Variants in MATCAP2 observed in about 807,000 individuals in gnomAD.
The protein encoded by MATCAP2 is microtubule associated tyrosine carboxypeptidase 2.
At chr7:36,333,398 G>A in the MATCAP2 span, among the ~76,000 whole-genome samples, 2 of 152,166 alleles carry the variant, frequency 1.3e-5, no homozygotes, top group African/African-American at 4.8e-5. Context: ...ATGGGTATGG[G>A]TTTCTTTTGA....
the MATCAP2 span, among the ~76,000 whole-genome samples, chr7:36,338,996 T>C: frequency 6.6e-6 from 1 of 152,262 alleles, no homozygotes; most frequent in Non-Finnish European, 1.5e-5. Context: ...TCACATGTAT[T>C]GATTGAGACA....
the MATCAP2 span, chr7:36,367,020 T>C: frequency 7.8e-7 from 1 of 1,286,154 alleles, no homozygotes; most frequent in Non-Finnish European, 9.8e-7. Flanking sequence ...CTCTAGCCTC[T>C]GACCCGGGCC....
chr7:36,339,039 C>T, the MATCAP2 span, among the ~76,000 whole-genome samples: 1 of 152,218 alleles, frequency 6.6e-6, no homozygotes, highest in African/African-American at 2.4e-5. Context: ...TAAAACCAAG[C>T]TGTAACCCAA....
At chr7:36,378,484 G>A in the MATCAP2 span, among the ~76,000 whole-genome samples, 8 of 152,324 alleles carry the variant, frequency 5.3e-5, no homozygotes, top group East Asian at 1.2e-3. Context: ...TCTCAGAGGG[G>A]CACCCAGCTG....
the MATCAP2 span, among the ~76,000 whole-genome samples, chr7:36,361,275 T>C: frequency 0.022 from 3,386 of 152,168 alleles, 57 homozygotes; most frequent in Middle Eastern, 0.051. Context: ...TCTAAAAGAA[T>C]GGGGGAAAAG....
the MATCAP2 span, among the ~76,000 whole-genome samples, chr7:36,366,505 A>C: frequency 2.0e-5 from 3 of 152,246 alleles, no homozygotes; most frequent in Non-Finnish European, 4.4e-5. Flanking sequence ...AAATATACAC[A>C]GTATAAATAA....
At chr7:36,358,282 T>C in the MATCAP2 span, among the ~76,000 whole-genome samples, 1 of 152,130 alleles carries the variant, frequency 6.6e-6, no homozygotes, top group Non-Finnish European at 1.5e-5. Context: ...CAAGGCACTT[T>C]CAAAGACAAT....
At chr7:36,346,275 CACT>C in the MATCAP2 span, among the ~76,000 whole-genome samples, 1 of 152,098 alleles carries the variant, frequency 6.6e-6, no homozygotes, top group South Asian at 2.1e-4. Context: ...CTAACAAGTC[CACT>C]ACTAGATGTG....
At chr7:36,367,834 C>T in the MATCAP2 span, among the ~76,000 whole-genome samples, 8 of 152,124 alleles carry the variant, frequency 5.3e-5, no homozygotes, top group Non-Finnish European at 1.2e-4. Flanking sequence ...GAGACCAAGG[C>T]GGGTGGATCG....
At chr7:36,374,371 C>A in the MATCAP2 span, among the ~76,000 whole-genome samples, 1 of 152,042 alleles carries the variant, frequency 6.6e-6, no homozygotes, top group Non-Finnish European at 1.5e-5. Context: ...TGATCTACTG[C>A]ACCTGGCCCA....
chr7:36,351,676 G>T, the MATCAP2 span, among the ~76,000 whole-genome samples: 4 of 152,034 alleles, frequency 2.6e-5, no homozygotes, highest in African/African-American at 9.7e-5. Flanking sequence ...GCCAGGTGTC[G>T]TGGCTCATGC....
the MATCAP2 span, among the ~76,000 whole-genome samples, chr7:36,352,265 C>T: frequency 2.0e-5 from 3 of 151,516 alleles, no homozygotes; most frequent in Admixed American, 6.6e-5. Flanking sequence ...GGCATGGCAG[C>T]GCACGCCTGT....
chr7:36,359,016 A>G, the MATCAP2 span, among the ~76,000 whole-genome samples: 5 of 152,224 alleles, frequency 3.3e-5, no homozygotes, highest in Non-Finnish European at 7.3e-5. Flanking sequence ...AACTCCTGTC[A>G]ATAAGTGTTC....
chr7:36,365,406 TTAA>T, the MATCAP2 span, among the ~76,000 whole-genome samples: 2 of 151,992 alleles, frequency 1.3e-5, no homozygotes, highest in Non-Finnish European at 2.9e-5. Flanking sequence ...TTGTCCAAAG[TTAA>T]CAGTGCTAGG....
chr7:36,335,870 A>T, the MATCAP2 span, among the ~76,000 whole-genome samples: 1 of 152,350 alleles, frequency 6.6e-6, no homozygotes, highest in East Asian at 1.9e-4. Context: ...CAGGAGTTCG[A>T]GACCAGCCTG....
chr7:36,352,480 A>C, the MATCAP2 span, among the ~76,000 whole-genome samples: 1 of 150,456 alleles, frequency 6.6e-6, no homozygotes, highest in Non-Finnish European at 1.5e-5. Flanking sequence ...TCACTCATGG[A>C]TATGTCTTTT....
the MATCAP2 span, among the ~76,000 whole-genome samples, chr7:36,330,143 G>C: frequency 6.6e-6 from 1 of 151,484 alleles, no homozygotes; most frequent in Non-Finnish European, 1.5e-5. Context: ...GGAGTTCAGT[G>C]GTACGATCAT....
the MATCAP2 span, among the ~76,000 whole-genome samples, chr7:36,384,639 T>C: frequency 6.6e-6 from 1 of 152,052 alleles, no homozygotes; most frequent in Admixed American, 6.6e-5. Flanking sequence ...GTCAGAGTAA[T>C]AGAATGGAAA....
chr7:36,350,878 TCA>T, the MATCAP2 span, among the ~76,000 whole-genome samples: 35 of 152,304 alleles, frequency 2.3e-4, no homozygotes, highest in Non-Finnish European at 4.4e-4. Context: ...CTTGAAAATC[TCA>T]CAGATACTGG....
Sources: gnomAD v4.1 joint callset for allele counts (sites outside exome capture counted in the v4.1 genomes callset) on GRCh38, gnomAD v4.1.1 for gene constraint, MANE v1.5 for transcripts, NCBI Gene and HGNC (gene_info 2026-07-23, HGNC 2026-07-21) for gene names.